Variants in CFAP44 observed in about 807,000 individuals in gnomAD.
The protein encoded by CFAP44 is cilia and flagella associated protein 44.
CFAP44 carries 134 observed loss-of-function variants against 216.2 expected under a neutral mutation model. The ratio of observed to expected loss-of-function variants is 0.62; its 90% CI spans 0.54 to 0.72. The LOEUF (loss-of-function observed/expected upper bound fraction) is 0.72. Ranked by LOEUF, CFAP44 falls within the 30% of genes least tolerant of loss-of-function variation. The pLI, the probability that CFAP44 is intolerant of heterozygous loss-of-function variation, is 0.00. For missense variants in CFAP44, 2,035 were observed against 2,182.1 expected (o/e 0.93, Z 1.34); for synonymous variants, 700 against 727.6 (o/e 0.96, Z 0.61).
intron 34 of CFAP44, chr3:113,294,292 A>G (rs942303262): frequency 1.7e-5 from 5 of 291,746 alleles, no homozygotes. Context: ...TTTTAATAAG[A>G]AAACAGGGTA....
chr3:113,301,140 C>T (rs1949930784), intron 32 of CFAP44, among the ~76,000 whole-genome samples: 2 of 152,040 alleles, frequency 1.3e-5, no homozygotes, highest in Non-Finnish European at 2.9e-5. Flanking sequence ...TTAGTAGAAT[C>T]ATATGATATA....
At chr3:113,331,506 T>A (rs141157891) in intron 25 of CFAP44, among the ~76,000 whole-genome samples, 1 of 152,098 alleles carries the variant, frequency 6.6e-6, no homozygotes, top group African/African-American at 2.4e-5. Context: ...AAAAGCTACA[T>A]ATATATTTAC....
Position 113,409,140 on chromosome 3 carries a change from C to A in CFAP44, c.856G>T (p.Glu286Ter), listed in dbSNP as rs1469181477. ...CCTGATCCCGATGTAGTAAGCTGCT[C>A]TTCCTTATCAGGATTGAAAGTAACC... is the stretch of plus-strand genomic sequence containing the variant. Reference protein sequence around the residue: ...FKVTFNPDKEEQLTTSGSGHI... With the variant: ...FKVTFNPDKE Residue 286 changes from glutamate to a stop codon, truncating the protein, a stop_gained, in exon 7 of 35, where the codon GAG (glutamate) becomes TAG (stop). Coordinates refer to ENST00000393845, the MANE Select transcript of CFAP44 (RefSeq NM_001164496.2). LOFTEE classifies it high-confidence loss of function. 1 of 1,613,618 alleles carries A rather than the reference C, an allele frequency of 6.2e-7. No individual in the cohort carries two copies.
At chr3:113,296,470 C>G (rs1305372596) in intron 33 of CFAP44, among the ~76,000 whole-genome samples, 1 of 152,076 alleles carries the variant, frequency 6.6e-6, no homozygotes, top group Admixed American at 6.5e-5. Context: ...ATCTTTCATC[C>G]ATTTTACATA....
intron 33 of CFAP44, among the ~76,000 whole-genome samples, chr3:113,295,330 A>C (rs116214931): frequency 0.017 from 2,636 of 152,330 alleles, 67 homozygotes; most frequent in African/African-American, 0.051. Flanking sequence ...CCTCTCAAGT[A>C]GCTGGGACTA....
intron 18 of CFAP44, among the ~76,000 whole-genome samples, chr3:113,366,727 C>T (rs570911131): frequency 6.1e-4 from 93 of 152,212 alleles, no homozygotes; most frequent in South Asian, 1.9e-3. Context: ...TGGGTGCAGC[C>T]GATGGAGGGC....
In CFAP44 at chr3:113,365,929, A is replaced by C; in HGVS notation, c.2715+110T>G. The C allele has an allele frequency of 3.3e-6, 4 of 1,209,680 alleles. No homozygotes were observed. In the South Asian group the frequency reaches 4.9e-5, roughly 15 times the overall value. 74.9% of individuals were successfully genotyped at this position (1,209,680 alleles called of 1,614,324 possible). ...AATAGTAGCAGGAAGATTAGACCAT[A>C]AGGTGAATGTGTCTAAATAACTTTT... On this transcript the variant is annotated intron_variant, in intron 19 of 34. Coordinates refer to ENST00000393845, the MANE Select transcript of CFAP44 (RefSeq NM_001164496.2).
At chr3:113,326,060 T>C (rs896783076) in intron 28 of CFAP44, among the ~76,000 whole-genome samples, 5 of 152,134 alleles carry the variant, frequency 3.3e-5, no homozygotes, top group East Asian at 1.9e-4. Flanking sequence ...ATACAGAATA[T>C]ATAAAGAACT....
intron 22 of CFAP44, among the ~76,000 whole-genome samples, chr3:113,347,183 G>A (rs1950393452): frequency 6.6e-6 from 1 of 152,204 alleles, no homozygotes; most frequent in South Asian, 2.1e-4. Context: ...TGGGTGTCAG[G>A]CTTTCTGGGA....
intron 24 of CFAP44, among the ~76,000 whole-genome samples, chr3:113,335,888 A>G (rs915466729): frequency 6.6e-6 from 1 of 152,326 alleles, no homozygotes; most frequent in East Asian, 1.9e-4. Context: ...TATACAGACT[A>G]TTTTCTATTA....
At chr3:113,293,353 A>G (rs1949849486) in intron 34 of CFAP44, among the ~76,000 whole-genome samples, 1 of 152,232 alleles carries the variant, frequency 6.6e-6, no homozygotes, top group South Asian at 2.1e-4. Flanking sequence ...ACAGACCTGA[A>G]TTTCAAAACT....
At chr3:113,340,281 C>T (rs989981332) in intron 24 of CFAP44, among the ~76,000 whole-genome samples, 1 of 152,188 alleles carries the variant, frequency 6.6e-6, no homozygotes, top group African/African-American at 2.4e-5. Flanking sequence ...AGCTTAGTAA[C>T]ATTTCCACAG....
At chr3:113,297,137 G>T (rs1949889541) in intron 32 of CFAP44, among the ~76,000 whole-genome samples, 1 of 151,866 alleles carries the variant, frequency 6.6e-6, no homozygotes, top group Non-Finnish European at 1.5e-5. Flanking sequence ...GGACTGATCT[G>T]CCCCTCCTCA....
rs539067241 is a variant in CFAP44 at position 113,410,723 on chromosome 3, A to G, written c.674-1401T>C. 5.3e-5 allele frequency among the ~76,000 whole-genome samples: 8 copies of G among 152,330 alleles called. No individual in the cohort carries two copies. The East Asian group carries it at 1.5e-3, about 29-fold the overall frequency. On this transcript the variant is annotated intron_variant, in intron 6 of 34. Transcript: ENST00000393845. ...TTGTAGATCCTTGAGGAATCACCAC[A>G]CTGTCTTCCACAATGGTTGAACTAA...
At chr3:113,410,550 A>G (rs1196844635) in intron 6 of CFAP44, among the ~76,000 whole-genome samples, 1 of 152,168 alleles carries the variant, frequency 6.6e-6, no homozygotes, top group African/African-American at 2.4e-5. Flanking sequence ...TCTATCATTG[A>G]TGGACATTTG....
At chr3:113,423,957 G>A (rs1432164815) in intron 4 of CFAP44, among the ~76,000 whole-genome samples, 1 of 152,164 alleles carries the variant, frequency 6.6e-6, no homozygotes. Flanking sequence ...AACACAGTTT[G>A]AACAGTTGGC....
At chr3:113,308,380 T>C in intron 28 of CFAP44, 112 bp from the exon 29 acceptor site, 2 of 809,678 alleles carry the variant, frequency 2.5e-6, no homozygotes, top group South Asian at 4.0e-5. Flanking sequence ...AATAACTCAA[T>C]ATAAGAGTTT....
At chr3:113,426,359 A>C in intron 3 of CFAP44, 82 bp from the exon 4 acceptor site, 1 of 1,471,072 alleles carries the variant, frequency 6.8e-7, no homozygotes, top group East Asian at 2.3e-5. Flanking sequence ...TGTAGTTCCC[A>C]TAATCTCCAC....
At position 113,326,537 on chromosome 3, in the gene CFAP44, A is replaced by G. The variant is rs1364622679; in HGVS notation, c.4424T>C (p.Ile1475Thr). 4 of 1,532,358 alleles carry G rather than the reference A, an allele frequency of 2.6e-6. No individual in the cohort carries two copies. Among genetic ancestry groups the G allele is most frequent in the African/African-American group, 2.7e-5 (2 of 72,832 alleles). The allele number at this position is 1,532,358 out of a possible 1,614,324, so 94.9% of individuals were successfully genotyped here. ...GTTTGCAAATTTATTGTTTTCTCCA[A>G]TGGCTGCTTGAAAACCAGCATAGAG... is the stretch of plus-strand genomic sequence containing the variant. ...KALYAGFQAAIGENNKFANFL... is the reference protein window; with the variant it reads ...KALYAGFQAATGENNKFANFL... The change falls in exon 28 of 35, where the codon ATT becomes ACT. Residue 1475 changes from isoleucine to threonine, a missense_variant. Ile to Thr is a moderately conservative substitution (Grantham distance 89). Around this residue, in one of 3 missense-constraint regions of CFAP44, gnomAD observed 1,883 missense variants for 2,023.7 expected, o/e 0.93. Coordinates refer to ENST00000393845, the MANE Select transcript of CFAP44 (RefSeq NM_001164496.2).
Sources: gnomAD v4.1 joint callset for allele counts (sites outside exome capture counted in the v4.1 genomes callset) on GRCh38, gnomAD v4.1.1 for gene constraint, gnomAD v4.1.1 regional missense constraint, MANE v1.5 for transcripts, NCBI Gene and HGNC (gene_info 2026-07-23, HGNC 2026-07-21) for gene names.